ICA1: variants seen among roughly 807,000 people sequenced by gnomAD.
ICA1 encodes 69 kDa islet cell autoantigen.
A neutral mutation model predicts 71.0 loss-of-function variants in ICA1; 40 were observed. That is an observed-to-expected ratio of 0.56 (90% CI 0.44 to 0.73). The LOEUF is 0.73. Among genes scored for constraint, ICA1 ranks in the 30% least tolerant of loss-of-function variants. The probability of loss-of-function intolerance (pLI) is 0.00; values close to 1 mark genes in which losing one functional copy is unlikely to be tolerated. For synonymous variants in ICA1, 207 were observed against 209.5 expected (o/e 0.99, Z 0.10); for missense variants, 578 against 576.5 (o/e 1.00, Z -0.03).
In ICA1 at chr7:8,173,625, T is replaced by C. The variant is rs1439272913; in HGVS notation, c.580-14973A>G. ...TTATTCATTGCTGAAGCATTCCAAC[T>C]AATAAATGAAGAAGGAATATAATCT... On this transcript the variant is annotated intron_variant, in intron 6 of 13. Transcript: ENST00000402384. The surrounding 1 kb of genome is among the most constrained non-coding windows in gnomAD (Gnocchi z 4.0). Among the ~76,000 whole-genome samples, 2 of 152,226 alleles carry C rather than the reference T, an allele frequency of 1.3e-5. No homozygotes were observed. Among genetic ancestry groups the C allele is most frequent in the Non-Finnish European group, 2.9e-5 (2 of 68,022 alleles).
At chr7:8,207,507 C>T (rs1792008631) in intron 6 of ICA1, among the ~76,000 whole-genome samples, 1 of 152,172 alleles carries the variant, frequency 6.6e-6, no homozygotes, top group South Asian at 2.1e-4. Context: ...TTTTATTATA[C>T]CTGTAACTGT....
At chr7:8,252,683 T>C (rs1282256062) in intron 1 of ICA1, among the ~76,000 whole-genome samples, 1 of 151,274 alleles carries the variant, frequency 6.6e-6, no homozygotes, top group Non-Finnish European at 1.5e-5. Context: ...CATGTTGATA[T>C]ATTGTATATA....
At chr7:8,156,992 A>G (rs757753155) in intron 8 of ICA1, 124 bp downstream of exon 8, 2 of 1,586,708 alleles carry the variant, frequency 1.3e-6, no homozygotes, top group Non-Finnish European at 1.7e-6. Flanking sequence ...TGCTGGGGGC[A>G]CAGTTCTCTC....
chr7:8,207,462 CTGAAGA>C (rs1791997374), intron 6 of ICA1, among the ~76,000 whole-genome samples: 1 of 152,154 alleles, frequency 6.6e-6, no homozygotes, highest in Admixed American at 6.5e-5. Flanking sequence ...GGGATAGCTG[CTGAAGA>C]TGAAGCAGGA....
chr7:8,171,750 A>C (rs1194229483), intron 6 of ICA1, among the ~76,000 whole-genome samples: 1 of 151,926 alleles, frequency 6.6e-6, no homozygotes, highest in East Asian at 1.9e-4. Context: ...TAATGGTTTT[A>C]ATTTCCCTCT....
At chr7:8,151,356 C>T (rs1798741350) in intron 8 of ICA1, among the ~76,000 whole-genome samples, 1 of 152,214 alleles carries the variant, frequency 6.6e-6, no homozygotes, top group Admixed American at 6.5e-5. Context: ...ACAAGCCACA[C>T]TCCGGCTCGT....
chr7:8,169,702 A>G (rs1807542521), intron 6 of ICA1, among the ~76,000 whole-genome samples: 1 of 152,074 alleles, frequency 6.6e-6, no homozygotes, highest in Non-Finnish European at 1.5e-5. Flanking sequence ...TTATCTTTTT[A>G]TTACTGAATT....
rs1336434591 is a variant in ICA1 at position 8,226,435 on chromosome 7, T to C, written c.256+2166A>G. Among the ~76,000 whole-genome samples the C allele has an allele frequency of 6.6e-6, 1 of 152,196 alleles. No individual in the cohort carries two copies. Among genetic ancestry groups the C allele is most frequent in the East Asian group, 1.9e-4 (1 of 5,202 alleles). The stretch of plus-strand genomic sequence containing the variant: ...CATATATTACCTTTTTTTACATTTA[T>C]ATTTTATATCACCTTCTTGCTTGCA... On this transcript the variant is annotated intron_variant, in intron 4 of 13. Transcript: ENST00000402384. The surrounding 1 kb of genome is among the most constrained non-coding windows in gnomAD (Gnocchi z 4.4).
Position 8,205,078 on chromosome 7 carries a change from C to CAA in ICA1, c.579+13225_579+13226dup, listed in dbSNP as rs56223249. On this transcript the variant is annotated intron_variant, in intron 6 of 13. Transcript: ENST00000402384. ...TTTTTATTTTAAAATGGAAGACATGCAAAAAAAAAAAAAAAAGGCGGGGGG... is the reference window on the plus strand; with the variant it reads ...TTTTTATTTTAAAATGGAAGACATGCAAAAAAAAAAAAAAAAAAGGCGGGGGG... 1.2e-3 allele frequency among the ~76,000 whole-genome samples: 131 copies of CAA among 109,602 alleles called. 2 individuals carry two copies. Among genetic ancestry groups the CAA allele is most frequent in the African/African-American group, 4.4e-3 (124 of 27,914 alleles). 71.9% of individuals were successfully genotyped at this position (109,602 alleles called of 152,430 possible).
rs886489020 is a variant in ICA1 at position 8,132,757 on chromosome 7, G to T, written c.1061-4615C>A. On this transcript the variant is annotated intron_variant, in intron 12 of 13. Transcript: ENST00000402384. The surrounding 1 kb of genome is among the most constrained non-coding windows in gnomAD (Gnocchi z 4.5). The stretch of plus-strand genomic sequence containing the variant: ...TACCTTCCCTACATTCTCTATAGAA[G>T]ATCTTTTCTATTCTTAGGGTTCCAA... Among the ~76,000 whole-genome samples, 1 of 152,148 alleles carries T rather than the reference G, an allele frequency of 6.6e-6. No homozygotes were observed. Among genetic ancestry groups the T allele is most frequent in the Non-Finnish European group, 1.5e-5 (1 of 68,030 alleles).
Position 8,123,813 on chromosome 7 carries a change from C to G in ICA1, c.1330+4060G>C, listed in dbSNP as rs888431032. 8.5e-5 allele frequency among the ~76,000 whole-genome samples: 13 copies of G among 152,180 alleles called. No homozygotes were observed. Among genetic ancestry groups the G allele is most frequent in the African/African-American group, 3.1e-4 (13 of 41,436 alleles). ...ATCCCTTTTGCTCTCAGAGACTGTACTGAGAGGCCAGAGAAGGGAATGGTG... is the reference window on the plus strand; with the variant it reads ...ATCCCTTTTGCTCTCAGAGACTGTAGTGAGAGGCCAGAGAAGGGAATGGTG... On this transcript the variant is annotated intron_variant, in intron 13 of 13. Coordinates refer to ENST00000402384, the MANE Select transcript of ICA1 (RefSeq NM_001136020.3). This position sits in a 1 kb window ranked among gnomAD's most constrained non-coding sequence, Gnocchi z 4.1.
chr7:8,214,369 C>T (rs943421467), intron 6 of ICA1, among the ~76,000 whole-genome samples: 1 of 152,232 alleles, frequency 6.6e-6, no homozygotes, highest in African/African-American at 2.4e-5. Flanking sequence ...CTTCAAAGAG[C>T]ACATATATCA....
At chr7:8,230,966 G>A (rs1318559583) in intron 3 of ICA1, among the ~76,000 whole-genome samples, 1 of 152,170 alleles carries the variant, frequency 6.6e-6, no homozygotes, top group African/African-American at 2.4e-5. Flanking sequence ...CATGGAATTT[G>A]ATCTCATAGT....
At chr7:8,253,927 A>T (rs577295715) in intron 1 of ICA1, among the ~76,000 whole-genome samples, 1 of 152,212 alleles carries the variant, frequency 6.6e-6, no homozygotes, top group African/African-American at 2.4e-5. Flanking sequence ...AATTGCACGT[A>T]AGCATAATAT....
chr7:8,130,451 GATT>G lies in ICA1; in HGVS notation c.1061-2312_1061-2310del, dbSNP rs1257779691. Among the ~76,000 whole-genome samples the G allele has an allele frequency of 6.6e-6, 1 of 152,186 alleles. No homozygotes were observed. The highest frequency in any genetic ancestry group is 2.4e-5 in the African/African-American group (1 of 41,438). On this transcript the variant is annotated intron_variant, in intron 12 of 13. Transcript: ENST00000402384. The surrounding 1 kb of genome is among the most constrained non-coding windows in gnomAD (Gnocchi z 4.2). Reference sequence around the variant, plus strand: ...CCCTCTCCAGCATCACCTTTTTAAGGATTATTAACATTACAGAACTCTATACTT... The same window carrying G: ...CCCTCTCCAGCATCACCTTTTTAAGGATTAACATTACAGAACTCTATACTT...
Position 8,173,898 on chromosome 7 carries a change from G to A in ICA1, c.580-15246C>T, listed in dbSNP as rs1474886103. On this transcript the variant is annotated intron_variant, in intron 6 of 13. Coordinates refer to ENST00000402384, the MANE Select transcript of ICA1 (RefSeq NM_001136020.3). The surrounding 1 kb of genome is among the most constrained non-coding windows in gnomAD (Gnocchi z 4.0). The stretch of plus-strand genomic sequence containing the variant: ...TCTTTGCTTTCATGATGGTTATGTT[G>A]TAGTGGGTGAAACTGGACAATAAAT... Among the ~76,000 whole-genome samples, 1 of 152,082 alleles carries A rather than the reference G, an allele frequency of 6.6e-6. No homozygotes were observed. The highest frequency in any genetic ancestry group is 1.9e-4 in the East Asian group (1 of 5,194).
chr7:8,145,507 T>A (rs1339748700), intron 8 of ICA1, among the ~76,000 whole-genome samples: 1 of 152,180 alleles, frequency 6.6e-6, no homozygotes, highest in African/African-American at 2.4e-5. Flanking sequence ...GCATGCCAAA[T>A]TCAGGAAAGT....
At chr7:8,128,543 T>G (rs1220776439) in intron 12 of ICA1, among the ~76,000 whole-genome samples, 6 of 152,178 alleles carry the variant, frequency 3.9e-5, no homozygotes, top group Non-Finnish European at 7.4e-5. Context: ...TTGCCTGGGC[T>G]GGAACAGCAA....
chr7:8,240,447 C>T (rs972399122), intron 1 of ICA1, among the ~76,000 whole-genome samples: 3 of 151,982 alleles, frequency 2.0e-5, no homozygotes, highest in Non-Finnish European at 4.4e-5. Flanking sequence ...TAGATAAAAC[C>T]AGAGCAGAAA....
Sources: allele counts gnomAD v4.1 joint callset (sites outside exome capture counted in the v4.1 genomes callset), GRCh38; gene constraint gnomAD v4.1.1; non-coding constraint Gnocchi (gnomAD v3.1); transcripts MANE v1.5; gene names NCBI Gene and HGNC (gene_info 2026-07-23, HGNC 2026-07-21).